Variants in GTPBP10 observed in about 807,000 individuals in gnomAD.
The protein encoded by GTPBP10 is GTP-binding protein 10.
A neutral mutation model predicts 44.8 loss-of-function variants in GTPBP10; 38 were observed. The observed-to-expected ratio is 0.85, with a 90% CI of 0.65 to 1.11. GTPBP10 has a LOEUF of 1.11. Ranked by LOEUF, GTPBP10 falls within the 50% of genes most tolerant of loss-of-function variation. GTPBP10 has a pLI of 0.00. For missense variants in GTPBP10, 462 were observed against 453.7 expected, an observed-to-expected ratio of 1.02 and a Z score of -0.17; for synonymous variants, 152 against 150.6, an observed-to-expected ratio of 1.01 and a Z score of -0.07.
chr7:90,372,143 T>G lies in GTPBP10; in HGVS notation c.465-12T>G. 1 of 1,554,612 alleles carries G rather than the reference T, an allele frequency of 6.4e-7. No homozygotes were observed. The highest frequency in any genetic ancestry group is 8.8e-7 in the Non-Finnish European group (1 of 1,130,466). The stretch of plus-strand genomic sequence containing the variant: ...ATTGACATTTGTGTATAATTTTATA[T>G]TCTTGTTTCAGATTCCCAAATGCTG... On this transcript the variant is annotated splice_polypyrimidine_tract_variant and intron_variant, in intron 4 of 9. Transcript: ENST00000222511.
intron 4 of GTPBP10, among the ~76,000 whole-genome samples, chr7:90,368,033 C>T (rs1370493999): frequency 6.6e-6 from 1 of 152,124 alleles, no homozygotes; most frequent in African/African-American, 2.4e-5. Flanking sequence ...TTCTCCTTCA[C>T]TTACGAATCT....
chr7:90,346,772 A>C lies in GTPBP10; in HGVS notation c.31A>C (p.Lys11Gln). 1.2e-6 allele frequency: 2 copies of C among 1,614,184 alleles called. No homozygotes were observed. The highest frequency in any genetic ancestry group is 2.2e-5 in the South Asian group (2 of 91,082). ...GCATTGCAGTTGCGTGTTGTTCAGA[A>C]AGGTCCGTGCGGGTCCCCTCAGCCT... Reference protein sequence around the residue: MVHCSCVLFRKYGNFIDKLRL... With the variant: MVHCSCVLFRQYGNFIDKLRL... Residue 11 changes from lysine to glutamine, a missense_variant and splice_region_variant, in exon 1 of 10, where the codon AAG (lysine) becomes CAG (glutamine). Coordinates refer to ENST00000222511, the MANE Select transcript of GTPBP10 (RefSeq NM_033107.4).
At position 90,390,354 on chromosome 7, in the gene GTPBP10, A is replaced by G. The variant is rs757048350; in HGVS notation, c.*5200A>G. On this transcript the variant is annotated 3_prime_UTR_variant, in exon 10 of 10. Transcript: ENST00000222511. ...CATGAAAAAGCCAGGGACAATTTCA[A>G]CTACCATTTCTGACCATCATCAACC... is the stretch of plus-strand genomic sequence containing the variant. 1 of 152,228 alleles carries G rather than the reference A, an allele frequency of 6.6e-6. No homozygotes were observed. 9.4% of individuals were successfully genotyped at this position (152,228 alleles called of 1,614,324 possible).
rs1796586387 is a variant in GTPBP10, at chr7:90,389,817, A to C, written c.*4663A>C. 6.6e-6 allele frequency: 1 copy of C among 152,060 alleles called. No individual in the cohort carries two copies. The highest frequency in any genetic ancestry group is 2.4e-5 in the African/African-American group (1 of 41,404). 9.4% of individuals were successfully genotyped at this position (152,060 alleles called of 1,614,324 possible). On this transcript the variant is annotated 3_prime_UTR_variant, in exon 10 of 10. Coordinates refer to ENST00000222511, the MANE Select transcript of GTPBP10 (RefSeq NM_033107.4). The stretch of plus-strand genomic sequence containing the variant: ...TTGTTTAGTTTTATTTATTCTTTTT[A>C]GAGACAGGGTCTCTCTGTGGAGTGC...
chr7:90,390,223 G>A lies in GTPBP10; in HGVS notation c.*5069G>A, dbSNP rs1285684494. The stretch of plus-strand genomic sequence containing the variant: ...GAAATAGGTAGTAGAAATGAGAAAG[G>A]GAGAGAGGGAAGAAGAAAAAAATGG... On this transcript the variant is annotated 3_prime_UTR_variant, in exon 10 of 10. Transcript: ENST00000222511. The A allele has an allele frequency of 1.3e-5, 2 of 152,222 alleles. No individual in the cohort carries two copies. The highest frequency in any genetic ancestry group is 2.4e-5 in the African/African-American group (1 of 41,444). The allele number at this position is 152,222 out of a possible 1,614,324, so 9.4% of individuals were successfully genotyped here. A position where few individuals can be genotyped will look rare whatever the true frequency, so the allele number is the denominator to read the frequency against.
chr7:90,374,355 G>A lies in GTPBP10; in HGVS notation c.591+1G>A. 1 of 1,577,752 alleles carries A rather than the reference G, an allele frequency of 6.3e-7. No homozygotes were observed. Among genetic ancestry groups the A allele is most frequent in the Non-Finnish European group, 8.7e-7 (1 of 1,148,100 alleles). ...GATAATGTACAGTGATTTCAAACAG[G>A]TAGGTATTTTTAAAGTAAAACACTA... On this transcript the variant is annotated splice_donor_variant, in intron 6 of 9. Coordinates refer to ENST00000222511, the MANE Select transcript of GTPBP10 (RefSeq NM_033107.4). LOFTEE classifies it high-confidence loss of function.
intron 1 of GTPBP10, among the ~76,000 whole-genome samples, chr7:90,349,534 G>A (rs757828377): frequency 6.6e-6 from 1 of 152,168 alleles, no homozygotes; most frequent in Non-Finnish European, 1.5e-5. Context: ...CAGAGAAAAG[G>A]TTTTTGTTCT....
intron 4 of GTPBP10, among the ~76,000 whole-genome samples, chr7:90,358,752 G>A (rs1210717604): frequency 6.6e-6 from 1 of 151,966 alleles, no homozygotes; most frequent in Non-Finnish European, 1.5e-5. Context: ...AAATACATAA[G>A]TGGGACCTAA....
intron 4 of GTPBP10, among the ~76,000 whole-genome samples, chr7:90,363,781 G>A (rs183500910): frequency 0.02 from 2,976 of 152,250 alleles, 38 homozygotes; most frequent in Non-Finnish European, 0.028. Flanking sequence ...CCAATCAGAC[G>A]TAGATTTGGT....
rs555056134 is a variant in GTPBP10 at position 90,346,823 on chromosome 7, G to A, written c.33+49G>A. The A allele has an allele frequency of 1.0e-5, 16 of 1,599,480 alleles. No homozygotes were observed. In the South Asian group the frequency reaches 1.7e-4, roughly 17 times the overall value. Reference sequence around the variant, plus strand: ...GGTCCCCTTAGCGCTGACAGCTCTGGTTCTTCTTTGCTCCCCTGTCTCTCC... The same window carrying A: ...GGTCCCCTTAGCGCTGACAGCTCTGATTCTTCTTTGCTCCCCTGTCTCTCC... On this transcript the variant is annotated intron_variant, in intron 1 of 9. Transcript: ENST00000222511.
chr7:90,353,885 G>A (rs1193547591), intron 2 of GTPBP10, among the ~76,000 whole-genome samples: 4 of 150,910 alleles, frequency 2.7e-5, no homozygotes, highest in Admixed American at 2.6e-4. Flanking sequence ...GAGTGTAGTG[G>A]GCACTATCAT....
intron 2 of GTPBP10, 86 bp downstream of exon 2, chr7:90,353,095 G>T: frequency 1.2e-6 from 1 of 850,122 alleles, no homozygotes; most frequent in African/African-American, 1.7e-5. Flanking sequence ...AAACTTAATT[G>T]TTAATTTGAA....
chr7:90,348,814 G>T (rs1795734051), intron 1 of GTPBP10, among the ~76,000 whole-genome samples: 1 of 152,144 alleles, frequency 6.6e-6, no homozygotes, highest in African/African-American at 2.4e-5. Context: ...TTCACAGAAG[G>T]GTCCATGTCA....
At chr7:90,359,564 C>T (rs1795972632) in intron 4 of GTPBP10, among the ~76,000 whole-genome samples, 1 of 152,058 alleles carries the variant, frequency 6.6e-6, no homozygotes. Flanking sequence ...GGGTTGGTTC[C>T]AAGTCTTTGC....
chr7:90,379,700 A>G (rs1240290199), intron 8 of GTPBP10, among the ~76,000 whole-genome samples: 2 of 152,228 alleles, frequency 1.3e-5, no homozygotes, highest in Non-Finnish European at 2.9e-5. Context: ...GAATTGCTGG[A>G]TCAGATAATA....
intron 3 of GTPBP10, 114 bp from the exon 4 acceptor site, chr7:90,354,972 A>G: frequency 1.7e-6 from 1 of 602,460 alleles, no homozygotes; most frequent in South Asian, 3.2e-5. Context: ...TCACTTACTA[A>G]TCTATAGATT....
chr7:90,356,572 G>A (rs1473783199), intron 4 of GTPBP10, among the ~76,000 whole-genome samples: 1 of 152,170 alleles, frequency 6.6e-6, no homozygotes, highest in East Asian at 1.9e-4. Flanking sequence ...AAATCCTCTG[G>A]AGGCTGGCCA....
intron 4 of GTPBP10, among the ~76,000 whole-genome samples, chr7:90,357,771 C>A (rs1256282691): frequency 6.6e-6 from 1 of 152,080 alleles, no homozygotes; most frequent in Admixed American, 6.6e-5. Context: ...TTTTAAGTAA[C>A]CCCCATTCCT....
At chr7:90,369,816 T>C (rs1156624807) in intron 4 of GTPBP10, among the ~76,000 whole-genome samples, 1 of 152,154 alleles carries the variant, frequency 6.6e-6, no homozygotes, top group Non-Finnish European at 1.5e-5. Context: ...TTGCCCTCCA[T>C]GCACTGCACC....
Sources: gnomAD v4.1 joint callset for allele counts (sites outside exome capture counted in the v4.1 genomes callset) on GRCh38, gnomAD v4.1.1 for gene constraint, MANE v1.5 for transcripts, NCBI Gene and HGNC (gene_info 2026-07-23, HGNC 2026-07-21) for gene names.